Variants in PNPLA1 observed in about 807,000 individuals in gnomAD.
PNPLA1 encodes patatin like domain 1, omega-hydroxyceramide transacylase.
In PNPLA1, 36 loss-of-function variants were observed where a neutral mutation model predicts 51.7. The observed-to-expected ratio is 0.70, with a 90% confidence interval of 0.53 to 0.92. PNPLA1 has a LOEUF of 0.92. PNPLA1 is among the 40% of genes least tolerant of loss of function. The pLI, the probability that PNPLA1 is intolerant of heterozygous loss-of-function variation, is 0.00. For missense variants in PNPLA1, 658 were observed against 682.5 expected, an observed-to-expected ratio of 0.96 and a Z score of 0.40; for synonymous variants, 293 against 280.1, an observed-to-expected ratio of 1.05 and a Z score of -0.46.
intron 6 of PNPLA1, among the ~76,000 whole-genome samples, chr6:36,306,038 A>G (rs973503521): frequency 3.9e-4 from 59 of 152,212 alleles, no homozygotes; most frequent in African/African-American, 1.1e-3. Context: ...TACAGGCATG[A>G]GCCACCGGGC....
exon 1 of PNPLA1, chr6:36,243,248 C>A (rs1327930629): frequency 6.6e-6 from 1 of 152,202 alleles, no homozygotes; most frequent in African/African-American, 2.4e-5. Context: ...GATGATTGAG[C>A]TGCTTCTACT....
At chr6:36,259,791 C>G (rs190110707) in intron 1 of PNPLA1, among the ~76,000 whole-genome samples, 1 of 152,224 alleles carries the variant, frequency 6.6e-6, no homozygotes, top group East Asian at 1.9e-4. Flanking sequence ...AGTGGGTACT[C>G]AAGCACATAA....
intron 1 of PNPLA1, among the ~76,000 whole-genome samples, chr6:36,282,464 A>G (rs902781205): frequency 6.6e-6 from 1 of 152,188 alleles, no homozygotes; most frequent in African/African-American, 2.4e-5. Flanking sequence ...TCCCCAAACA[A>G]TCCCTTGGAC....
intron 1 of PNPLA1, among the ~76,000 whole-genome samples, chr6:36,271,092 C>G (rs1561854114): frequency 2.0e-5 from 3 of 152,214 alleles, no homozygotes; most frequent in Non-Finnish European, 4.4e-5. Context: ...CTTCAAATCT[C>G]TATCACCCTG....
chr6:36,280,835 G>C (rs1321514759), intron 1 of PNPLA1, among the ~76,000 whole-genome samples: 2 of 152,172 alleles, frequency 1.3e-5, no homozygotes, highest in Non-Finnish European at 2.9e-5. Context: ...TGTCACCTAG[G>C]CTGGAGTGCA....
chr6:36,268,596 G>A (rs1769818689), upstream of PNPLA1, among the ~76,000 whole-genome samples: 2 of 152,124 alleles, frequency 1.3e-5, no homozygotes, highest in Admixed American at 1.3e-4. Context: ...CCGCCGCACA[G>A]CTCCTCAGAT....
chr6:36,302,006 C>T lies in PNPLA1; in HGVS notation c.921C>T (p.Ala307=), dbSNP rs1383226738. The T allele has an allele frequency of 6.2e-7, 1 of 1,614,106 alleles. No homozygotes were observed. Among genetic ancestry groups the T allele is most frequent in the African/African-American group, 1.3e-5 (1 of 74,944 alleles). The stretch of plus-strand genomic sequence containing the variant: ...CACGGCAGGCCAGTCTGGAAGGAGC[C>T]ACACAACCTCACAAGGAGTGGGTTC... ...LRARQASLEG[A]TQPHKEWVPK... is the part of the protein sequence containing the mutation. Residue 307 remains alanine, a synonymous_variant, in exon 6 of 9, where the codon GCC becomes GCT. Transcript: ENST00000636260.
At chr6:36,277,909 G>A (rs1197478468) in intron 1 of PNPLA1, among the ~76,000 whole-genome samples, 1 of 152,190 alleles carries the variant, frequency 6.6e-6, no homozygotes, top group Non-Finnish European at 1.5e-5. Flanking sequence ...TTTGTTGTCT[G>A]GGAAAGGGCT....
chr6:36,270,763 C>A, intron 1 of PNPLA1, 99 bp downstream of exon 1: 1 of 1,370,164 alleles, frequency 7.3e-7, no homozygotes, highest in Non-Finnish European at 1.0e-6. Context: ...GGGGACAAAG[C>A]CAGGCCTGGG....
rs1434794182 is a variant in PNPLA1 at position 36,313,790 on chromosome 6, G to C, written c.*1904G>C. On this transcript the variant is annotated 3_prime_UTR_variant, in exon 9 of 9. Coordinates refer to ENST00000636260, the MANE Select transcript of PNPLA1 (RefSeq NM_001374623.1). The stretch of plus-strand genomic sequence containing the variant: ...GGCCTGGGAAACTAGGGGGAGGAGA[G>C]TGTCCTCTCTTGCACAGCCCAGGAA... Among the ~76,000 whole-genome samples, 1 of 152,192 alleles carries C rather than the reference G, an allele frequency of 6.6e-6. No homozygotes were observed. The highest frequency in any genetic ancestry group is 1.5e-5 in the Non-Finnish European group (1 of 68,022).
intron 1 of PNPLA1, among the ~76,000 whole-genome samples, chr6:36,246,296 C>G (rs1326337818): frequency 6.6e-6 from 1 of 152,018 alleles, no homozygotes; most frequent in Non-Finnish European, 1.5e-5. Context: ...CCTCCACCTC[C>G]CAGGTTCAAA....
chr6:36,256,083 C>G (rs892457142), intron 1 of PNPLA1, among the ~76,000 whole-genome samples: 8 of 151,972 alleles, frequency 5.3e-5, no homozygotes, highest in African/African-American at 1.2e-4. Flanking sequence ...ATAGCCCGGG[C>G]CTTTAATATC....
chr6:36,293,131 G>C lies in PNPLA1; in HGVS notation c.504+5G>C. The C allele has an allele frequency of 1.2e-6, 2 of 1,613,812 alleles. No individual in the cohort carries two copies. The stretch of plus-strand genomic sequence containing the variant: ...CCCCCGACTTACCGCGGTGTGGTGA[G>C]TGCTTCGGCATGGTGAGGGGTGAGA... On this transcript the variant is annotated splice_donor_5th_base_variant and intron_variant, in intron 3 of 8. Coordinates refer to ENST00000636260, the MANE Select transcript of PNPLA1 (RefSeq NM_001374623.1).
intron 6 of PNPLA1, among the ~76,000 whole-genome samples, chr6:36,304,607 A>G (rs527263609): frequency 1.3e-5 from 2 of 149,128 alleles, no homozygotes; most frequent in East Asian, 3.9e-4. Flanking sequence ...AGCCTGGGCG[A>G]CAGAGTGAGA....
chr6:36,244,768 C>T (rs1764016045), intron 1 of PNPLA1, among the ~76,000 whole-genome samples: 1 of 152,252 alleles, frequency 6.6e-6, no homozygotes, highest in African/African-American at 2.4e-5. Flanking sequence ...CCTCTGACAG[C>T]ACTTTCTCCC....
At chr6:36,284,756 T>C (rs1203785218) in intron 1 of PNPLA1, among the ~76,000 whole-genome samples, 1 of 152,140 alleles carries the variant, frequency 6.6e-6, no homozygotes, top group African/African-American at 2.4e-5. Flanking sequence ...CTAAGGTGGG[T>C]GGGGCGATGG....
intron 8 of PNPLA1, chr6:36,308,355 C>G (rs1012095775): frequency 1.3e-5 from 2 of 151,910 alleles, no homozygotes; most frequent in East Asian, 3.9e-4. Context: ...CCAGCCCGGG[C>G]AACAAGAGCG....
chr6:36,305,761 C>G (rs1582104562), intron 6 of PNPLA1, among the ~76,000 whole-genome samples: 1 of 139,846 alleles, frequency 7.2e-6, no homozygotes, highest in East Asian at 2.1e-4. Flanking sequence ...TTTTTCTTTA[C>G]TTTTCTCTTT....
chr6:36,310,640 C>T (rs569285970), intron 8 of PNPLA1, among the ~76,000 whole-genome samples: 118 of 152,270 alleles, frequency 7.7e-4, no homozygotes, highest in African/African-American at 2.7e-3. Flanking sequence ...GTAACATGCC[C>T]GAAGCTACAC....
Sources: allele counts gnomAD v4.1 joint callset (sites outside exome capture counted in the v4.1 genomes callset), GRCh38; gene constraint gnomAD v4.1.1; transcripts MANE v1.5; gene names NCBI Gene and HGNC (gene_info 2026-07-23, HGNC 2026-07-21).